Variants in ALMS1 observed in about 807,000 individuals in gnomAD.
ALMS1 encodes the protein centrosome-associated protein ALMS1.
In ALMS1, 271 loss-of-function variants were observed where a neutral mutation model predicts 352.2. The observed-to-expected ratio is 0.77, with a 90% CI of 0.70 to 0.85. The LOEUF is 0.85. Ranked by LOEUF, ALMS1 falls within the 40% of genes least tolerant of loss-of-function variation. The probability of loss-of-function intolerance (pLI) is 0.00; values close to 1 mark genes in which losing one functional copy is unlikely to be tolerated. For missense variants in ALMS1, 5,445 were observed against 4,870.7 expected (o/e 1.12, Z -3.51); for synonymous variants, 1,865 against 1,761.2 (o/e 1.06, Z -1.48).
At chr2:73,555,594 T>C (rs926639416) in intron 13 of ALMS1, among the ~76,000 whole-genome samples, 16 of 152,096 alleles carry the variant, frequency 1.1e-4, no homozygotes, top group African/African-American at 3.9e-4. Context: ...AAAGGGAAAA[T>C]ATAATAAATA....
At chr2:73,421,135 C>T (rs1671276720) in intron 3 of ALMS1, among the ~76,000 whole-genome samples, 2 of 152,190 alleles carry the variant, frequency 1.3e-5, no homozygotes, top group Middle Eastern at 3.2e-3. Flanking sequence ...TGTCCAACTC[C>T]ACCCTGAGAT....
intron 1 of ALMS1, among the ~76,000 whole-genome samples, chr2:73,396,572 G>A (rs912970083): frequency 1.1e-4 from 2 of 18,240 alleles, no homozygotes; most frequent in South Asian, 3.1e-3. Flanking sequence ...TTTTTTTTTT[G>A]CAGGATGGGG....
chr2:73,536,293 G>A (rs1056438442), intron 12 of ALMS1, among the ~76,000 whole-genome samples: 3 of 152,134 alleles, frequency 2.0e-5, no homozygotes, highest in Non-Finnish European at 2.9e-5. Context: ...TCCTGCTATC[G>A]ATATACGTCA....
intron 11 of ALMS1, among the ~76,000 whole-genome samples, chr2:73,525,213 G>A (rs1323082677): frequency 6.6e-6 from 1 of 152,104 alleles, no homozygotes; most frequent in African/African-American, 2.4e-5. Flanking sequence ...TTTGGCTATG[G>A]CGAACAGTGT....
Position 73,515,793 on chromosome 2 carries a change from A to ACACACACT in ALMS1, c.9540-3975_9540-3974insTCACACAC, listed in dbSNP as rs1185445957. 2.0e-5 allele frequency among the ~76,000 whole-genome samples: 3 copies of ACACACACT among 151,812 alleles called. No homozygotes were observed. In the East Asian group the frequency reaches 5.8e-4, roughly 29 times the overall value. ...TACACACACACACACACACACACAC[A>ACACACACT]CACACACACACAAACTCAGAGACTA... On this transcript the variant is annotated intron_variant, in intron 10 of 22. Coordinates refer to ENST00000613296, the MANE Select transcript of ALMS1 (RefSeq NM_001378454.1).
chr2:73,563,161 A>G (rs1355945506), intron 15 of ALMS1, among the ~76,000 whole-genome samples: 1 of 151,986 alleles, frequency 6.6e-6, no homozygotes, highest in Non-Finnish European at 1.5e-5. Context: ...TATAACAAAC[A>G]TATCAAAAGT....
At chr2:73,534,262 A>G (rs892974551) in intron 11 of ALMS1, among the ~76,000 whole-genome samples, 2 of 152,166 alleles carry the variant, frequency 1.3e-5, no homozygotes, top group African/African-American at 2.4e-5. Flanking sequence ...TTACGTTTAT[A>G]TATTTTCTTA....
intron 9 of ALMS1, among the ~76,000 whole-genome samples, chr2:73,469,189 GAAAA>G (rs755724074): frequency 1.3e-5 from 2 of 148,674 alleles, no homozygotes. Flanking sequence ...AACAAGTTTA[GAAAA>G]AAAAACCATG....
Position 73,490,425 on chromosome 2 carries a change from T to A in ALMS1, c.8466T>A (p.Ser2822=). The change falls in exon 10 of 23, where the codon TCT becomes TCA. Residue 2822 remains serine, a synonymous_variant. Coordinates refer to ENST00000613296, the MANE Select transcript of ALMS1 (RefSeq NM_001378454.1). Reference sequence around the variant, plus strand: ...GATCAGATTTTACAGGCAGTCATTCTGAGCCCAGTACCAGGGCAAATTGTA... The same window carrying A: ...GATCAGATTTTACAGGCAGTCATTCAGAGCCCAGTACCAGGGCAAATTGTA... ...LERSDFTGSH[S]EPSTRANCSN... is the part of the protein sequence containing the mutation. 1 of 1,614,204 alleles carries A rather than the reference T, an allele frequency of 6.2e-7. No homozygotes were observed. The highest frequency in any genetic ancestry group is 8.5e-7 in the Non-Finnish European group (1 of 1,180,034).
chr2:73,565,516 T>A (rs1674783528), intron 15 of ALMS1, among the ~76,000 whole-genome samples: 1 of 152,174 alleles, frequency 6.6e-6, no homozygotes, highest in Non-Finnish European at 1.5e-5. Flanking sequence ...TATTCCACCA[T>A]CAGGGAGGTG....
At chr2:73,458,055 G>A (rs1302106426) in intron 9 of ALMS1, 7 of 60,864 alleles carry the variant, frequency 1.2e-4, no homozygotes, top group African/African-American at 4.4e-4. Context: ...AAAAAAAAAG[G>A]TCTAAAACTT....
intron 11 of ALMS1, among the ~76,000 whole-genome samples, chr2:73,522,831 A>G (rs1673713448): frequency 6.6e-6 from 1 of 152,212 alleles, no homozygotes. Flanking sequence ...ATGCCCAGTG[A>G]TAGAAATTAA....
chr2:73,584,116 G>T (rs114995397), intron 16 of ALMS1, among the ~76,000 whole-genome samples: 34 of 152,202 alleles, frequency 2.2e-4, no homozygotes, highest in Admixed American at 3.9e-4. Context: ...CAATCTGTCA[G>T]TGTCAGATAT....
intron 7 of ALMS1, among the ~76,000 whole-genome samples, chr2:73,433,393 T>C (rs960364922): frequency 7.4e-5 from 11 of 149,362 alleles, no homozygotes; most frequent in Admixed American, 6.6e-4. Context: ...GAAGAGTTGT[T>C]ATTCTAGGAG....
intron 9 of ALMS1, among the ~76,000 whole-genome samples, chr2:73,479,241 A>C (rs1208448980): frequency 6.6e-6 from 1 of 152,192 alleles, no homozygotes; most frequent in Non-Finnish European, 1.5e-5. Flanking sequence ...AATTTCCCCA[A>C]GTGGTAACAT....
At chr2:73,412,753 G>A (rs1278226318) in intron 2 of ALMS1, among the ~76,000 whole-genome samples, 2 of 152,122 alleles carry the variant, frequency 1.3e-5, no homozygotes, top group Admixed American at 1.3e-4. Flanking sequence ...TCAGGATGGC[G>A]CCAGTGCACT....
intron 10 of ALMS1, among the ~76,000 whole-genome samples, chr2:73,502,947 A>G (rs527414063): frequency 6.6e-6 from 1 of 152,300 alleles, no homozygotes; most frequent in African/African-American, 2.4e-5. Flanking sequence ...CCTGCTGCAC[A>G]ATCACTTTCG....
At chr2:73,431,810 G>C (rs1671504165) in intron 6 of ALMS1, among the ~76,000 whole-genome samples, 1 of 152,070 alleles carries the variant, frequency 6.6e-6, no homozygotes, top group South Asian at 2.1e-4. Flanking sequence ...ACCTTAAAAA[G>C]AAATACCTGA....
At chr2:73,488,594 C>A (rs915792768) in intron 9 of ALMS1, among the ~76,000 whole-genome samples, 1 of 152,192 alleles carries the variant, frequency 6.6e-6, no homozygotes, top group African/African-American at 2.4e-5. Context: ...TCCTGGCTCC[C>A]ACCACCTCAG....
Sources: allele counts gnomAD v4.1 joint callset (sites outside exome capture counted in the v4.1 genomes callset), GRCh38; gene constraint gnomAD v4.1.1; transcripts MANE v1.5; gene names NCBI Gene and HGNC (gene_info 2026-07-23, HGNC 2026-07-21).